Variants in SYT1 observed in about 807,000 individuals in gnomAD.
SYT1 encodes synaptotagmin-1.
Under a neutral mutation model 44.8 loss-of-function variants are expected in SYT1, and 8 were observed. The observed-to-expected ratio is 0.18, with a 90% confidence interval of 0.10 to 0.32. SYT1 has a LOEUF of 0.32. Ranked by LOEUF, SYT1 falls within the 10% of genes least tolerant of loss-of-function variation. SYT1 has a pLI of 1.00. For synonymous variants in SYT1, 154 were observed against 188.8 expected (o/e 0.82, Z 1.51); for missense variants, 286 against 509.3 (o/e 0.56, Z 4.22).
chr12:79,270,846 A>G (rs1878384103), intron 4 of SYT1, among the ~76,000 whole-genome samples: 1 of 152,224 alleles, frequency 6.6e-6, no homozygotes, highest in Non-Finnish European at 1.5e-5. Context: ...GAACATGGCT[A>G]TGTGGGTTTC....
intron 9 of SYT1, among the ~76,000 whole-genome samples, chr12:79,431,238 A>C (rs1869756480): frequency 6.6e-6 from 1 of 152,148 alleles, no homozygotes. Context: ...ATAGAAACCA[A>C]ATTTTCTATA....
intron 9 of SYT1, among the ~76,000 whole-genome samples, chr12:79,423,825 G>A (rs915099529): frequency 1.3e-5 from 2 of 151,878 alleles, no homozygotes; most frequent in Non-Finnish European, 2.9e-5. Flanking sequence ...GGCAAGCAGA[G>A]AGAGGAAGGT....
chr12:79,287,112 A>G (rs576178227), intron 5 of SYT1, among the ~76,000 whole-genome samples: 73 of 152,232 alleles, frequency 4.8e-4, no homozygotes, highest in African/African-American at 1.7e-3. Flanking sequence ...CTTCAGTTTT[A>G]AACTCTTTTT....
At chr12:78,879,631 G>A (rs1425192454) in intron 1 of SYT1, among the ~76,000 whole-genome samples, 1 of 151,668 alleles carries the variant, frequency 6.6e-6, no homozygotes, top group Non-Finnish European at 1.5e-5. Flanking sequence ...CAGAATATAT[G>A]TCTTAATAAA....
chr12:78,997,050 C>G (rs1190521288), intron 2 of SYT1, among the ~76,000 whole-genome samples: 1 of 152,208 alleles, frequency 6.6e-6, no homozygotes, highest in Admixed American at 6.5e-5. Context: ...AGGTCAGCAG[C>G]AGGAGTATGG....
At chr12:79,417,305 G>T (rs1251568957) in intron 9 of SYT1, among the ~76,000 whole-genome samples, 1 of 152,126 alleles carries the variant, frequency 6.6e-6, no homozygotes, top group Admixed American at 6.6e-5. Flanking sequence ...TGCATACAAT[G>T]TATTTCTAAA....
chr12:79,200,879 T>C (rs983129242), intron 3 of SYT1, among the ~76,000 whole-genome samples: 2 of 152,196 alleles, frequency 1.3e-5, no homozygotes, highest in African/African-American at 4.8e-5. Flanking sequence ...CCCTGTCATA[T>C]ATATCTTGAT....
chr12:79,299,580 C>G, intron 8 of SYT1, 29 bp downstream of exon 8: 1 of 1,607,728 alleles, frequency 6.2e-7, no homozygotes, highest in Admixed American at 1.7e-5. Context: ...TTTCTAACAT[C>G]ACAAGCTGTA....
At chr12:79,398,136 G>A (rs1408852199) in intron 9 of SYT1, among the ~76,000 whole-genome samples, 1 of 152,130 alleles carries the variant, frequency 6.6e-6, no homozygotes, top group Non-Finnish European at 1.5e-5. Flanking sequence ...AAAGTGTTCA[G>A]TATGAAAGGC....
intron 9 of SYT1, among the ~76,000 whole-genome samples, chr12:79,371,232 A>G (rs931910281): frequency 4.6e-5 from 7 of 152,172 alleles, no homozygotes; most frequent in African/African-American, 1.4e-4. Context: ...TCCTCACTCC[A>G]GCTGCATCTG....
In SYT1 at chr12:79,179,378, A is replaced by ATC. The variant is rs1445183455; in HGVS notation, c.-17-38125_-17-38124insTC. Among the ~76,000 whole-genome samples the ATC allele has an allele frequency of 9.7e-4, 119 of 123,302 alleles. 12 individuals carry two copies. Among genetic ancestry groups the ATC allele is most frequent in the African/African-American group, 3.4e-3 (100 of 29,142 alleles). The allele number at this position is 123,302 out of a possible 152,430, so 80.9% of individuals were successfully genotyped here. A position where few individuals can be genotyped will look rare whatever the true frequency, so the allele number is the denominator to read the frequency against. ...TCGATATAGATATAGATATAGATAT[A>ATC]GATATATCGATATAGATATCCATAT... On this transcript the variant is annotated intron_variant, in intron 3 of 10. Coordinates refer to ENST00000261205, the MANE Select transcript of SYT1 (RefSeq NM_005639.3).
At chr12:78,948,955 ATT>A (rs1878815456) in intron 1 of SYT1, among the ~76,000 whole-genome samples, 1 of 12,028 alleles carries the variant, frequency 8.3e-5, no homozygotes, top group Admixed American at 4.2e-4. Flanking sequence ...ATCAAGGCCT[ATT>A]ATATTATATT....
At chr12:79,282,120 A>C (rs535951502) in intron 4 of SYT1, among the ~76,000 whole-genome samples, 1 of 152,154 alleles carries the variant, frequency 6.6e-6, no homozygotes, top group South Asian at 2.1e-4. Flanking sequence ...TGGTAATTGC[A>C]TTGAGTCTAC....
chr12:79,001,966 T>C (rs774328715), intron 2 of SYT1, among the ~76,000 whole-genome samples: 3 of 152,116 alleles, frequency 2.0e-5, no homozygotes, highest in Non-Finnish European at 4.4e-5. Context: ...CTGAGAAGTT[T>C]TGCTTTTGGT....
At chr12:79,329,200 C>T (rs1881746041) in intron 8 of SYT1, among the ~76,000 whole-genome samples, 1 of 152,100 alleles carries the variant, frequency 6.6e-6, no homozygotes, top group South Asian at 2.1e-4. Context: ...AGGCCGTAAG[C>T]AACCCTGCAG....
intron 2 of SYT1, among the ~76,000 whole-genome samples, chr12:78,997,104 C>T (rs1175930825): frequency 6.6e-6 from 1 of 152,166 alleles, no homozygotes; most frequent in Non-Finnish European, 1.5e-5. Context: ...ACAGCATATG[C>T]CTCTATATCT....
intron 3 of SYT1, among the ~76,000 whole-genome samples, chr12:79,149,834 T>C (rs1399475865): frequency 6.6e-6 from 1 of 152,132 alleles, no homozygotes; most frequent in Non-Finnish European, 1.5e-5. Flanking sequence ...GACCATAAAC[T>C]CTACACTGGC....
At chr12:79,335,661 A>AAATACCC (rs1216796627) in intron 8 of SYT1, among the ~76,000 whole-genome samples, 1 of 152,062 alleles carries the variant, frequency 6.6e-6, no homozygotes, top group African/African-American at 2.4e-5. Context: ...CACATACCCA[A>AAATACCC]AATACCCAAT....
At chr12:78,973,937 AAATATATATATATATATATATATATAT>A (rs1395012307) in intron 1 of SYT1, among the ~76,000 whole-genome samples, 1 of 23,252 alleles carries the variant, frequency 4.3e-5, no homozygotes, top group Non-Finnish European at 7.2e-5. Flanking sequence ...AAAAAAAAAA[AAATATATATATATATATATATATATAT>A]ATATATATAT....
Sources: allele counts gnomAD v4.1 joint callset (sites outside exome capture counted in the v4.1 genomes callset), GRCh38; gene constraint gnomAD v4.1.1; transcripts MANE v1.5; gene names NCBI Gene and HGNC (gene_info 2026-07-23, HGNC 2026-07-21).